CDC25B: variants seen among roughly 807,000 people sequenced by gnomAD.
CDC25B encodes cell division cycle 25B, also known as M-phase inducer phosphatase 2.
In CDC25B, 33 loss-of-function variants were observed where a neutral mutation model predicts 69.8. That is an observed-to-expected ratio of 0.47 (90% CI 0.36 to 0.63). The LOEUF (loss-of-function observed/expected upper bound fraction) is 0.63. Among genes scored for constraint, CDC25B ranks in the 30% least tolerant of loss-of-function variants. CDC25B has a pLI of 0.00. For synonymous variants in CDC25B, 341 were observed against 314.6 expected, an observed-to-expected ratio of 1.08 and a Z score of -0.89; for missense variants, 727 against 809.1, an observed-to-expected ratio of 0.90 and a Z score of 1.23.
In CDC25B at chr20:3,796,621, G is replaced by T; in HGVS notation, c.90G>T (p.Pro30=). ...GCGCCCAGCGTCCGGGCCACCTCCC[G>T]GGCCTCCTGCTGGGATCTCATGGCC... The part of the protein sequence containing the change: ...CGGAQRPGHL[P]GLLLGSHGLL... The change falls in exon 1 of 16, where the codon CCG becomes CCT. Residue 30 remains proline, a synonymous_variant. Transcript: ENST00000245960. 1 of 1,448,674 alleles carries T rather than the reference G, an allele frequency of 6.9e-7. No homozygotes were observed. The highest frequency in any genetic ancestry group is 2.8e-5 in the East Asian group (1 of 36,092). 89.7% of individuals were successfully genotyped at this position (1,448,674 alleles called of 1,614,324 possible). A position where few individuals can be genotyped will look rare whatever the true frequency, so the allele number is the denominator to read the frequency against.
In CDC25B at chr20:3,796,596, G is replaced by T; in HGVS notation, c.65G>T (p.Gly22Val). 2.1e-6 allele frequency: 3 copies of T among 1,441,994 alleles called. No homozygotes were observed. The highest frequency in any genetic ancestry group is 2.7e-6 in the Non-Finnish European group (3 of 1,101,898). 89.3% of individuals were successfully genotyped at this position (1,441,994 alleles called of 1,614,324 possible). ...CTCAGTCCAGCAGGCGTGTGCGGTG[G>T]CGCCCAGCGTCCGGGCCACCTCCCG... ...SALSPAGVCG[G>V]AQRPGHLPGL... The change falls in exon 1 of 16, where the codon GGC becomes GTC. Residue 22 changes from glycine (G) to valine (V), a missense_variant. Gly to Val is a moderately radical substitution (Grantham distance 109). Around this residue, in one of 2 missense-constraint regions of CDC25B, gnomAD observed 368 missense variants for 345.6 expected, o/e 1.06. Coordinates refer to ENST00000245960, the MANE Select transcript of CDC25B (RefSeq NM_021873.4).
At chr20:3,804,110 C>T in intron 14 of CDC25B, among the ~76,000 whole-genome samples, 1 of 152,226 alleles carries the variant, frequency 6.6e-6, no homozygotes, top group East Asian at 1.9e-4. Context: ...GCCCTCCCAA[C>T]TTCTCCAGGC....
At chr20:3,797,420 G>C (rs1051542659) in intron 1 of CDC25B, among the ~76,000 whole-genome samples, 3 of 152,218 alleles carry the variant, frequency 2.0e-5, no homozygotes, top group Admixed American at 6.5e-5. Flanking sequence ...TCCTAAACCA[G>C]TCAACGAAGA....
At chr20:3,804,145 C>T (rs950091613) in intron 14 of CDC25B, among the ~76,000 whole-genome samples, 1 of 152,254 alleles carries the variant, frequency 6.6e-6, no homozygotes, top group Non-Finnish European at 1.5e-5. Flanking sequence ...CACCCACCTC[C>T]ACCTGGGCAC....
In CDC25B at chr20:3,800,807, G is replaced by A. The variant is rs144359318; in HGVS notation, c.524G>A (p.Arg175Gln). The change falls in exon 6 of 16, where the codon CGG (arginine) becomes CAG (glutamine). Residue 175 changes from arginine to glutamine, a missense_variant. Physicochemically the swap from Arg to Gln is conservative, Grantham distance 43. This residue lies in a region of CDC25B where 368 missense variants were observed against 345.6 expected (regional missense o/e 1.06). Transcript: ENST00000245960. Reference sequence around the variant, plus strand: ...ACCAACTCCCAGGCGCCCGACGGCCGGAGGAAGAGCGAGGCGGGCAGTGGA... The same window carrying A: ...ACCAACTCCCAGGCGCCCGACGGCCAGAGGAAGAGCGAGGCGGGCAGTGGA... The part of the protein sequence containing the change: ...NITNSQAPDG[R>Q]RKSEAGSGAA... 4.0e-4 allele frequency: 642 copies of A among 1,613,034 alleles called. 1 individual carries two copies. Among genetic ancestry groups the A allele is most frequent in the Non-Finnish European group, 5.1e-4 (598 of 1,180,044 alleles).
intron 3 of CDC25B, among the ~76,000 whole-genome samples, chr20:3,799,552 G>A (rs1250572102): frequency 6.6e-6 from 1 of 151,322 alleles, no homozygotes; most frequent in Admixed American, 6.6e-5. Flanking sequence ...ATGCACAAAA[G>A]CTCCGCGTGG....
rs1309986853 is a variant in CDC25B at position 3,796,430 on chromosome 20, C to CG, written c.-102_-101insG. On this transcript the variant is annotated 5_prime_UTR_variant, in exon 1 of 16. Transcript: ENST00000245960. The stretch of plus-strand genomic sequence containing the variant: ...CTCCCTCCCTCCTTCCCCCCCCCCC[C>CG]ACCCCTCGCCCGCTGCCTCCCTCGG... 7 of 355,054 alleles carry CG rather than the reference C, an allele frequency of 2.0e-5. No individual in the cohort carries two copies. The highest frequency in any genetic ancestry group is 8.6e-5 in the South Asian group (2 of 23,152). 22.0% of individuals were successfully genotyped at this position (355,054 alleles called of 1,614,324 possible).
chr20:3,803,292 G>A lies in CDC25B; in HGVS notation c.1356+86G>A, dbSNP rs2474433. On this transcript the variant is annotated intron_variant, in intron 13 of 15. Transcript: ENST00000245960. This position sits in a 1 kb window ranked among gnomAD's most constrained non-coding sequence, Gnocchi z 4.9. ...CCAAGAGGGTGAATGGGTGGAGGAC[G>A]GGTGCCCCCTCTCATGGGGAGGGTT... 0.041 allele frequency: 64,196 copies of A among 1,573,144 alleles called. 1,600 individuals are homozygous for A. Among genetic ancestry groups the A allele is most frequent in the Middle Eastern group, 0.063 (371 of 5,890 alleles).
chr20:3,793,168 T>C (rs963277505), upstream of CDC25B, among the ~76,000 whole-genome samples: 2 of 152,170 alleles, frequency 1.3e-5, no homozygotes, highest in African/African-American at 2.4e-5. Context: ...TTTTAAATTA[T>C]GTATGTGGGC....
Position 3,804,662 on chromosome 20 carries a change from G to C in CDC25B, c.1584G>C (p.Glu528Asp). ...EMYILKGGYK[E>D]FFPQHPNFCE... ...ATATCCTGAAAGGCGGCTACAAGGA[G>C]TTCTTCCCTCAGCACCCGGTAGCGT... The change falls in exon 15 of 16, where the codon GAG (glutamate) becomes GAC (aspartate). Residue 528 changes from glutamate (E) to aspartate (D), a missense_variant. This residue lies in a region of CDC25B where 359 missense variants were observed against 463.4 expected (regional missense o/e 0.77). Coordinates refer to ENST00000245960, the MANE Select transcript of CDC25B (RefSeq NM_021873.4). 6.3e-7 allele frequency: 1 copy of C among 1,581,174 alleles called. No homozygotes were observed. Among genetic ancestry groups the C allele is most frequent in the South Asian group, 1.1e-5 (1 of 90,480 alleles).
chr20:3,799,517 T>TGCGC (rs1427827422), intron 3 of CDC25B, among the ~76,000 whole-genome samples: 1 of 53,100 alleles, frequency 1.9e-5, no homozygotes, highest in African/African-American at 7.2e-5. Context: ...TGTGTGTGTG[T>TGCGC]GTGTGTGTGC....
rs771131604 is a variant in CDC25B at position 3,800,491 on chromosome 20, C to T, written c.452C>T (p.Ser151Phe). ...CAGTTTGCCATCAGACGCTTCCAGT[C>T]TATGCCGGTGAGTGTCTTCGAGGCC... ...NEQFAIRRFQ[S>F]MPVRLLGHSP... Residue 151 changes from serine to phenylalanine, a missense_variant, in exon 5 of 16, where the codon TCT becomes TTT. By Grantham distance (155) the Ser-to-Phe change is radical. Transcript: ENST00000245960. 6.2e-7 allele frequency: 1 copy of T among 1,614,222 alleles called. No homozygotes were observed. The highest frequency in any genetic ancestry group is 1.1e-5 in the South Asian group (1 of 91,080).
Position 3,803,382 on chromosome 20 carries a change from T to C in CDC25B, c.1357-22T>C. 1 of 1,614,044 alleles carries C rather than the reference T, an allele frequency of 6.2e-7. No individual in the cohort carries two copies. Among genetic ancestry groups the C allele is most frequent in the East Asian group, 2.2e-5 (1 of 44,880 alleles). Reference sequence around the variant, plus strand: ...TGACTCCTGGACCCGGGGCTGTGCCTGACCTCTGGCTCCTCTGACAGACTG... The same window carrying C: ...TGACTCCTGGACCCGGGGCTGTGCCCGACCTCTGGCTCCTCTGACAGACTG... On this transcript the variant is annotated intron_variant, in intron 13 of 15. Transcript: ENST00000245960. The surrounding 1 kb of genome is among the most constrained non-coding windows in gnomAD (Gnocchi z 4.9).
intron 5 of CDC25B, 100 bp downstream of exon 5, chr20:3,800,598 C>A: frequency 1.3e-6 from 2 of 1,583,978 alleles, no homozygotes; most frequent in South Asian, 2.2e-5. Flanking sequence ...CTGGGTGTCC[C>A]CAGGCAGGCT....
At chr20:3,804,528 G>T in intron 14 of CDC25B, 41 bp from the exon 15 acceptor site, 1 of 1,306,004 alleles carries the variant, frequency 7.7e-7, no homozygotes. Flanking sequence ...ACAAGCCACT[G>T]CATGCCCCAC....
chr20:3,787,916 A>G (rs1228999457), intron 1 of CDC25B, among the ~76,000 whole-genome samples: 2 of 152,172 alleles, frequency 1.3e-5, no homozygotes, highest in Admixed American at 1.3e-4. Context: ...AGGCGGGACC[A>G]CTTGAGATCA....
chr20:3,790,647 T>C (rs2088900426), intron 1 of CDC25B, among the ~76,000 whole-genome samples: 1 of 151,782 alleles, frequency 6.6e-6, no homozygotes, highest in Admixed American at 6.6e-5. Context: ...GTCAGCTCAC[T>C]GCAACCTCTG....
At chr20:3,792,713 G>T (rs2088935656), upstream of CDC25B, among the ~76,000 whole-genome samples, 3 of 152,066 alleles carry the variant, frequency 2.0e-5, no homozygotes, top group Admixed American at 2.0e-4. Flanking sequence ...TGATCCACCT[G>T]CCTCGGCCTC....
intron 3 of CDC25B, among the ~76,000 whole-genome samples, chr20:3,799,052 G>A (rs1329522511): frequency 6.6e-6 from 1 of 152,156 alleles, no homozygotes; most frequent in African/African-American, 2.4e-5. Context: ...GGGCATGGGT[G>A]GTGTCTTCCA....
Sources: gnomAD v4.1 joint callset for allele counts (sites outside exome capture counted in the v4.1 genomes callset) on GRCh38, gnomAD v4.1.1 for gene constraint, gnomAD v4.1.1 regional missense constraint, Gnocchi (gnomAD v3.1) non-coding constraint, MANE v1.5 for transcripts, NCBI Gene and HGNC (gene_info 2026-07-23, HGNC 2026-07-21) for gene names.